ASB7: variants seen among roughly 807,000 people sequenced by gnomAD.
ASB7 encodes ankyrin repeat and SOCS box protein 7.
A neutral mutation model predicts 32.5 loss-of-function variants in ASB7; 4 were observed. That is an observed-to-expected ratio of 0.12 (90% CI 0.06 to 0.28). The LOEUF is 0.28. Among genes scored for constraint, ASB7 ranks in the 10% least tolerant of loss-of-function variants. The pLI, the probability that ASB7 is intolerant of heterozygous loss-of-function variation, is 1.00. For missense variants in ASB7, 181 were observed against 407.1 expected (o/e 0.44, Z 4.78); for synonymous variants, 172 against 155.6 (o/e 1.11, Z -0.78).
At chr15:100,614,742 C>CA (rs58705118) in intron 4 of ASB7, among the ~76,000 whole-genome samples, 3,783 of 55,838 alleles carry the variant, frequency 0.068, 112 homozygotes, top group African/African-American at 0.091. Flanking sequence ...AGCTGATGAG[C>CA]AAAAAAAAAA....
intron 4 of ASB7, among the ~76,000 whole-genome samples, chr15:100,619,185 G>A (rs1472122958): frequency 1.3e-5 from 2 of 152,182 alleles, no homozygotes; most frequent in African/African-American, 4.8e-5. Flanking sequence ...AGGCAAGGAT[G>A]GAGGCTGGAA....
intron 2 of ASB7, among the ~76,000 whole-genome samples, chr15:100,605,510 A>G (rs922605955): frequency 2.0e-5 from 3 of 152,244 alleles, no homozygotes; most frequent in Non-Finnish European, 4.4e-5. Context: ...CAATTAGTTA[A>G]TACTATGACA....
chr15:100,647,736 A>G (rs1026394184), intron 5 of ASB7, among the ~76,000 whole-genome samples: 1 of 152,192 alleles, frequency 6.6e-6, no homozygotes, highest in African/African-American at 2.4e-5. Flanking sequence ...TGCTGTGTTC[A>G]GAATCACGGA....
At chr15:100,637,273 T>C (rs966451899) in intron 5 of ASB7, among the ~76,000 whole-genome samples, 3 of 152,200 alleles carry the variant, frequency 2.0e-5, no homozygotes, top group Non-Finnish European at 1.5e-5. Flanking sequence ...TCCTGGGTAT[T>C]TGGCAGACAT....
At chr15:100,640,606 A>T (rs1381138253) in intron 5 of ASB7, among the ~76,000 whole-genome samples, 1 of 152,116 alleles carries the variant, frequency 6.6e-6, no homozygotes, top group African/African-American at 2.4e-5. Context: ...CTCCACCTCC[A>T]ATTTCTACCC....
In ASB7 at chr15:100,625,131, G is replaced by A. The variant is rs139002918; in HGVS notation, c.212-4306G>A. Among the ~76,000 whole-genome samples, 8 of 152,288 alleles carry A rather than the reference G, an allele frequency of 5.3e-5. No homozygotes were observed. The East Asian group carries it at 5.8e-4, about 11-fold the overall frequency. Reference sequence around the variant, plus strand: ...AAGCAATGAAAAGCTACAGCTTCCCGGGTGGTGAACTACTGAATTCTTTCC... The same window carrying A: ...AAGCAATGAAAAGCTACAGCTTCCCAGGTGGTGAACTACTGAATTCTTTCC... On this transcript the variant is annotated intron_variant, in intron 4 of 5. Transcript: ENST00000332783.
At position 100,612,321 on chromosome 15, in the gene ASB7, A is replaced by G; in HGVS notation, c.105A>G (p.Glu35=). Residue 35 remains glutamate (E), a synonymous_variant, in exon 4 of 6, where the codon GAA becomes GAG. Coordinates refer to ENST00000332783, the MANE Select transcript of ASB7 (RefSeq NM_198243.3). ...TCCACACAGTGCGAAAGATGCTAGA[A>G]CAAGGCTATTCCCCGAATGGCCGAG... is the stretch of plus-strand genomic sequence containing the variant. The part of the protein sequence containing the change: ...GDVHTVRKML[E]QGYSPNGRDA... The G allele has an allele frequency of 1.9e-6, 3 of 1,614,070 alleles. No homozygotes were observed. Among genetic ancestry groups the G allele is most frequent in the Non-Finnish European group, 2.5e-6 (3 of 1,179,918 alleles).
chr15:100,631,265 C>T (rs1446086820), intron 5 of ASB7, among the ~76,000 whole-genome samples: 1 of 152,156 alleles, frequency 6.6e-6, no homozygotes, highest in African/African-American at 2.4e-5. Context: ...GGCTGCTGAG[C>T]ACCTATTAAT....
intron 5 of ASB7, among the ~76,000 whole-genome samples, chr15:100,631,249 C>G (rs956447596): frequency 3.3e-5 from 5 of 152,126 alleles, no homozygotes; most frequent in Non-Finnish European, 7.3e-5. Context: ...GCCACTGGTC[C>G]CATGTGGCTG....
chr15:100,609,981 T>C (rs186348555), intron 3 of ASB7, among the ~76,000 whole-genome samples, 153 bp downstream of exon 3: 1 of 152,332 alleles, frequency 6.6e-6, no homozygotes, highest in African/African-American at 2.4e-5. Flanking sequence ...GTCTTTTTCT[T>C]GCATGGTAGG....
chr15:100,610,208 C>T (rs901440605), intron 3 of ASB7, among the ~76,000 whole-genome samples: 9 of 152,140 alleles, frequency 5.9e-5, no homozygotes, highest in Non-Finnish European at 1.2e-4. Flanking sequence ...AAGAGGCAAT[C>T]TTGTGGCCGG....
chr15:100,628,164 G>A (rs773061117), intron 4 of ASB7, among the ~76,000 whole-genome samples: 1 of 152,148 alleles, frequency 6.6e-6, no homozygotes, highest in Non-Finnish European at 1.5e-5. Flanking sequence ...TACAGTAAAT[G>A]TTTTTAGAAA....
intron 5 of ASB7, among the ~76,000 whole-genome samples, chr15:100,636,891 T>A (rs1157935510): frequency 2.6e-5 from 4 of 152,248 alleles, no homozygotes; most frequent in Admixed American, 2.0e-4. Flanking sequence ...CCTTTTTCAC[T>A]GTGATGACAT....
At chr15:100,633,392 C>T (rs531047274) in intron 5 of ASB7, among the ~76,000 whole-genome samples, 2 of 151,940 alleles carry the variant, frequency 1.3e-5, no homozygotes, top group Non-Finnish European at 2.9e-5. Flanking sequence ...GCCTGGCCAA[C>T]GTGGTGAAAC....
chr15:100,607,254 T>G (rs1489547814), intron 2 of ASB7, among the ~76,000 whole-genome samples: 1 of 152,130 alleles, frequency 6.6e-6, no homozygotes, highest in Non-Finnish European at 1.5e-5. Context: ...TGAGGGAAAA[T>G]AGGCTTTCTT....
At chr15:100,640,229 C>T (rs1165025789) in intron 5 of ASB7, among the ~76,000 whole-genome samples, 1 of 152,148 alleles carries the variant, frequency 6.6e-6, no homozygotes, top group Non-Finnish European at 1.5e-5. Flanking sequence ...ACTGCAACCT[C>T]TGCCTACAAG....
intron 4 of ASB7, among the ~76,000 whole-genome samples, chr15:100,616,165 T>A (rs1471373162): frequency 6.6e-6 from 1 of 152,218 alleles, no homozygotes; most frequent in Non-Finnish European, 1.5e-5. Flanking sequence ...TATACCTGCC[T>A]CTCTTTTTCT....
At chr15:100,639,035 C>T (rs2039943789) in intron 5 of ASB7, among the ~76,000 whole-genome samples, 1 of 152,184 alleles carries the variant, frequency 6.6e-6, no homozygotes, top group Non-Finnish European at 1.5e-5. Flanking sequence ...TGAGCTGAGG[C>T]AGTGATCTGT....
At chr15:100,638,883 T>A (rs1165277251) in intron 5 of ASB7, among the ~76,000 whole-genome samples, 3 of 152,164 alleles carry the variant, frequency 2.0e-5, no homozygotes, top group African/African-American at 7.2e-5. Context: ...GATGTTGCCC[T>A]CTCTGTGTCC....
Sources: gnomAD v4.1 joint callset for allele counts (sites outside exome capture counted in the v4.1 genomes callset) on GRCh38, gnomAD v4.1.1 for gene constraint, MANE v1.5 for transcripts, NCBI Gene and HGNC (gene_info 2026-07-23, HGNC 2026-07-21) for gene names.